GARNL3: variants seen among roughly 807,000 people sequenced by gnomAD.
The protein encoded by GARNL3 is GTPase activating Rap/RanGAP domain like 3.
A neutral mutation model predicts 125.0 loss-of-function variants in GARNL3; 63 were observed. The ratio of observed to expected loss-of-function variants is 0.50; its 90% confidence interval spans 0.41 to 0.62. The LOEUF (loss-of-function observed/expected upper bound fraction) is 0.62. Ranked by LOEUF, GARNL3 falls within the 20% of genes least tolerant of loss-of-function variation. GARNL3 has a pLI of 0.00. For synonymous variants in GARNL3, 439 were observed against 457.5 expected, an observed-to-expected ratio of 0.96 and a Z score of 0.52; for missense variants, 994 against 1,244.0, an observed-to-expected ratio of 0.80 and a Z score of 3.02.
intron 9 of GARNL3, among the ~76,000 whole-genome samples, 156 bp downstream of exon 9, chr9:127,333,277 G>A (rs1407338087): frequency 1.3e-5 from 2 of 152,174 alleles, no homozygotes; most frequent in Non-Finnish European, 2.9e-5. Context: ...TAGAGTCATG[G>A]ACCTGTTTGG....
chr9:127,367,945 T>C (rs1055064596), intron 22 of GARNL3, among the ~76,000 whole-genome samples: 12 of 150,648 alleles, frequency 8.0e-5, no homozygotes, highest in African/African-American at 2.9e-4. Context: ...ATTTTCCCAC[T>C]ATTTATTCCA....
rs749059027 is a variant in GARNL3, at chr9:127,357,226, G to C, written c.1943G>C (p.Cys648Ser). ...VEEFQYIREICLSDSPMVMTL... is the reference protein window; with the variant it reads ...VEEFQYIREISLSDSPMVMTL... Reference sequence around the variant, plus strand: ...TCCTCACCAACCACACAGGAGATCTGTCTGTCTGACTCTCCCATGGTGATG... The same window carrying C: ...TCCTCACCAACCACACAGGAGATCTCTCTGTCTGACTCTCCCATGGTGATG... Residue 648 changes from cysteine (C) to serine (S), a missense_variant, in exon 21 of 28, where the codon TGT becomes TCT. Cys to Ser is a moderately radical substitution (Grantham distance 112, BLOSUM62 -1). Coordinates refer to ENST00000373387, the MANE Select transcript of GARNL3 (RefSeq NM_032293.5). 1 of 1,614,174 alleles carries C rather than the reference G, an allele frequency of 6.2e-7. No individual in the cohort carries two copies. The highest frequency in any genetic ancestry group is 1.1e-5 in the South Asian group (1 of 91,074).
intron 21 of GARNL3, chr9:127,362,647 A>C (rs1410054114): frequency 6.6e-6 from 1 of 152,386 alleles, no homozygotes; most frequent in African/African-American, 2.4e-5. Flanking sequence ...TAACATGTAC[A>C]GGGACATCTG....
At chr9:127,227,720 A>C (rs2062939079) in intron 1 of GARNL3, among the ~76,000 whole-genome samples, 1 of 152,178 alleles carries the variant, frequency 6.6e-6, no homozygotes, top group Admixed American at 6.5e-5. Flanking sequence ...GGAGTTCAAG[A>C]CTAGTCTGGG....
intron 17 of GARNL3, among the ~76,000 whole-genome samples, chr9:127,350,643 GCGGA>G (rs1830376725): frequency 6.6e-6 from 1 of 151,982 alleles, no homozygotes; most frequent in East Asian, 1.9e-4. Context: ...GGATGTGGTG[GCGGA>G]TGCCTGTAGT....
At chr9:127,307,022 A>G (rs1301191474) in intron 2 of GARNL3, among the ~76,000 whole-genome samples, 1 of 152,186 alleles carries the variant, frequency 6.6e-6, no homozygotes, top group Admixed American at 6.5e-5. Flanking sequence ...ACTATAATGA[A>G]TTCTGAAAAT....
chr9:127,309,354 A>G (rs1053035963), intron 2 of GARNL3, among the ~76,000 whole-genome samples: 1 of 152,190 alleles, frequency 6.6e-6, no homozygotes, highest in Non-Finnish European at 1.5e-5. Flanking sequence ...CATAAGGTTG[A>G]TGGGTGGTTC....
chr9:127,273,086 C>T (rs564525435), intron 1 of GARNL3, among the ~76,000 whole-genome samples: 1 of 152,026 alleles, frequency 6.6e-6, no homozygotes, highest in African/African-American at 2.4e-5. Flanking sequence ...ATTTAATCCC[C>T]ACAAAAAACC....
chr9:127,345,375 A>C, intron 15 of GARNL3, 28 bp from the exon 16 acceptor site: 1 of 1,474,506 alleles, frequency 6.8e-7, no homozygotes. Flanking sequence ...CGCCTAGTAA[A>C]CTTTAATAGA....
intron 9 of GARNL3, 40 bp downstream of exon 9, chr9:127,333,161 A>G: frequency 6.6e-7 from 1 of 1,516,858 alleles, no homozygotes. Flanking sequence ...TAATTTGTAT[A>G]ACTTTTGTAA....
rs148938178 is a variant in GARNL3, at chr9:127,233,957, T to C, written c.-28-9122T>C. Among the ~76,000 whole-genome samples, 10 of 152,378 alleles carry C rather than the reference T, an allele frequency of 6.6e-5. No homozygotes were observed. The East Asian group carries it at 1.7e-3, about 26-fold the overall frequency. On this transcript the variant is annotated intron_variant, in intron 1 of 10. Transcript: ENST00000439286. ...GTAGTTTTGTGAACAAATATTTTAA[T>C]GTGAGCTTTTTTCACAGTCTTCATT... is the stretch of plus-strand genomic sequence containing the variant.
chr9:127,357,118 A>AGG, intron 20 of GARNL3, 101 bp from the exon 21 acceptor site: 1 of 1,173,020 alleles, frequency 8.5e-7, no homozygotes. Flanking sequence ...GAGCCTGGAG[A>AGG]GGGTGCCTTC....
chr9:127,346,177 AAATTAT>A (rs1830130072), intron 16 of GARNL3, among the ~76,000 whole-genome samples: 1 of 152,216 alleles, frequency 6.6e-6, no homozygotes, highest in African/African-American at 2.4e-5. Flanking sequence ...AAAAATACAC[AAATTAT>A]ATTATGAATA....
In GARNL3 at chr9:127,392,161, G is replaced by T. The variant is rs1263899839; in HGVS notation, c.2871-922G>T. ...GGGAGGGTCTCAAACATCAGGGGAG[G>T]CTGAGCCTCCTCTCAGAAGTCATAA... On this transcript the variant is annotated intron_variant, in intron 27 of 27. Transcript: ENST00000373387. This position sits in a 1 kb window ranked among gnomAD's most constrained non-coding sequence, Gnocchi z 5.2. Among the ~76,000 whole-genome samples the T allele has an allele frequency of 6.6e-6, 1 of 152,230 alleles. No individual in the cohort carries two copies. Among genetic ancestry groups the T allele is most frequent in the Non-Finnish European group, 1.5e-5 (1 of 68,036 alleles).
intron 26 of GARNL3, among the ~76,000 whole-genome samples, 186 bp downstream of exon 26, chr9:127,389,305 T>C (rs45526734): frequency 0.28 from 43,102 of 152,154 alleles, 7,152 homozygotes; most frequent in Middle Eastern, 0.43. Flanking sequence ...AACAGTGATG[T>C]TGTTGATCTA....
At chr9:127,264,046 A>C (rs1342916210), upstream of GARNL3, 6 of 1,194,024 alleles carry the variant, frequency 5.0e-6, no homozygotes. Flanking sequence ...AATGTTTTGA[A>C]TATAGTAAAC....
rs559285543 is a variant in GARNL3, at chr9:127,345,387, A to G, written c.1357-16A>G. 6.5e-7 allele frequency: 1 copy of G among 1,549,520 alleles called. No individual in the cohort carries two copies. Among genetic ancestry groups the G allele is most frequent in the Non-Finnish European group, 8.8e-7 (1 of 1,142,106 alleles). On this transcript the variant is annotated splice_polypyrimidine_tract_variant and intron_variant, in intron 15 of 27. Coordinates refer to ENST00000373387, the MANE Select transcript of GARNL3 (RefSeq NM_032293.5). ...TGCCGCCTAGTAAACTTTAATAGAG[A>G]TCTCTGTTCTGTAAGGCACTAAAAC...
intron 9 of GARNL3, 142 bp downstream of exon 9, chr9:127,333,263 A>ACAC (rs1225323962): frequency 3.1e-6 from 2 of 649,214 alleles, no homozygotes; most frequent in Admixed American, 2.8e-5. Context: ...CACCCTGTTC[A>ACAC]ACATAGAGTC....
At chr9:127,321,265 G>GGGATTACAGGTACCTGCCACCGT (rs2065390815) in intron 6 of GARNL3, among the ~76,000 whole-genome samples, 1 of 152,070 alleles carries the variant, frequency 6.6e-6, no homozygotes. Flanking sequence ...TCTAGTAGCT[G>GGGATTACAGGTACCTGCCACCGT]GGATTACAGG....
Sources: allele counts gnomAD v4.1 joint callset (sites outside exome capture counted in the v4.1 genomes callset), GRCh38; gene constraint gnomAD v4.1.1; non-coding constraint Gnocchi (gnomAD v3.1); transcripts MANE v1.5; gene names NCBI Gene and HGNC (gene_info 2026-07-23, HGNC 2026-07-21).